The following JAM3 variants were observed in gnomAD, a reference collection of about 807,000 sequenced individuals.
JAM3 encodes the protein junctional adhesion molecule 3.
JAM3 carries 31 observed loss-of-function variants against 39.4 expected under a neutral mutation model. The ratio of observed to expected loss-of-function variants is 0.79; its 90% CI spans 0.59 to 1.06. The LOEUF is 1.06. Ranked by LOEUF, JAM3 falls within the 50% of genes least tolerant of loss-of-function variation. JAM3 has a pLI of 0.00. For synonymous variants in JAM3, 182 were observed against 148.7 expected, an observed-to-expected ratio of 1.22 and a Z score of -1.63; for missense variants, 455 against 391.4, an observed-to-expected ratio of 1.16 and a Z score of -1.37.
chr11:134,122,530 G>GT (rs1942555347), intron 1 of JAM3, among the ~76,000 whole-genome samples: 1 of 152,166 alleles, frequency 6.6e-6, no homozygotes, highest in African/African-American at 2.4e-5. Context: ...CAGCAACACA[G>GT]TCCCTGCGCT....
intron 1 of JAM3, among the ~76,000 whole-genome samples, chr11:134,101,705 T>C (rs1354184933): frequency 6.6e-6 from 1 of 152,176 alleles, no homozygotes; most frequent in Non-Finnish European, 1.5e-5. Flanking sequence ...ATCATATTTC[T>C]CCCCTTATTT....
intron 1 of JAM3, among the ~76,000 whole-genome samples, chr11:134,095,627 C>CAA (rs57776262): frequency 1.5e-5 from 2 of 137,290 alleles, no homozygotes; most frequent in Non-Finnish European, 3.2e-5. Context: ...GAGACTCTGT[C>CAA]AAAAAAAAAA....
In JAM3 at chr11:134,141,987, G is replaced by T. The variant is rs534871454; in HGVS notation, c.256+1217G>T. ...GCCTGAGTCTCCTCAAAAGAGTTTT[G>T]CTTCCCACTCACGTGAAGTCCCTCC... On this transcript the variant is annotated intron_variant, in intron 3 of 8. Coordinates refer to ENST00000299106, the MANE Select transcript of JAM3 (RefSeq NM_032801.5). Among the ~76,000 whole-genome samples, 3 of 152,104 alleles carry T rather than the reference G, an allele frequency of 2.0e-5. No individual in the cohort carries two copies. In the South Asian group the frequency reaches 6.3e-4, roughly 32 times the overall value.
chr11:134,084,493 A>T (rs752298514), intron 1 of JAM3, among the ~76,000 whole-genome samples: 2 of 152,168 alleles, frequency 1.3e-5, no homozygotes, highest in African/African-American at 4.8e-5. Flanking sequence ...AAATAACACA[A>T]ATTAAAATTA....
At chr11:134,110,572 T>C (rs1272906785) in intron 1 of JAM3, among the ~76,000 whole-genome samples, 2 of 152,200 alleles carry the variant, frequency 1.3e-5, no homozygotes, top group Non-Finnish European at 2.9e-5. Context: ...ATTCCATTTA[T>C]TTAAAATTCT....
chr11:134,081,033 C>T lies in JAM3; in HGVS notation c.76+11874C>T, dbSNP rs558741003. ...CTAAGAGTCTGGTGGCATTTTGCCCCTGCCCTAGAGATTTGTGCAACTTTG... is the reference window on the plus strand; with the variant it reads ...CTAAGAGTCTGGTGGCATTTTGCCCTTGCCCTAGAGATTTGTGCAACTTTG... On this transcript the variant is annotated intron_variant, in intron 1 of 8. Coordinates refer to ENST00000299106, the MANE Select transcript of JAM3 (RefSeq NM_032801.5). Among the ~76,000 whole-genome samples the T allele has an allele frequency of 5.3e-5, 8 of 152,322 alleles. 1 individual carries two copies. The South Asian group carries it at 1.7e-3, about 32-fold the overall frequency.
chr11:134,125,637 T>C (rs1416650355), intron 1 of JAM3, among the ~76,000 whole-genome samples: 3 of 152,164 alleles, frequency 2.0e-5, no homozygotes, highest in African/African-American at 7.2e-5. Context: ...TTTCCATCGA[T>C]GGATGCTGGG....
chr11:134,091,262 G>T (rs1381877330), intron 1 of JAM3, among the ~76,000 whole-genome samples: 3 of 152,108 alleles, frequency 2.0e-5, no homozygotes, highest in African/African-American at 7.2e-5. Flanking sequence ...TTGGGAGGCC[G>T]AGGTGGGTGG....
chr11:134,113,969 C>T (rs1403447938), intron 1 of JAM3, among the ~76,000 whole-genome samples: 1 of 152,142 alleles, frequency 6.6e-6, no homozygotes, highest in South Asian at 2.1e-4. Context: ...CTTCATGTGT[C>T]TTTTGGCTGC....
Position 134,139,936 on chromosome 11 carries a change from C to CCATTATCCTAGGCATTTCGT in JAM3, c.142+20_142+21insCATTATCCTAGGCATTTCGT. ...TTGAAAGTAAGTACAAACGAAATGC[C>CCATTATCCTAGGCATTTCGT]TAGGATAATGGGCACCATCTACTGG... On this transcript the variant is annotated intron_variant, in intron 2 of 8. Transcript: ENST00000299106. The CCATTATCCTAGGCATTTCGT allele has an allele frequency of 6.3e-7, 1 of 1,584,720 alleles. No individual in the cohort carries two copies. The highest frequency in any genetic ancestry group is 8.7e-7 in the Non-Finnish European group (1 of 1,153,392).
At position 134,084,562 on chromosome 11, in the gene JAM3, AAGCTCT is replaced by A. The variant is rs149442537; in HGVS notation, c.76+15404_76+15409del. On this transcript the variant is annotated intron_variant, in intron 1 of 8. Transcript: ENST00000299106. ...TTAGCAGAGTACCTGTCATAGTAGT[AAGCTCT>A]CAGTGTTAGGTTTTGTTTTTCATCA... Among the ~76,000 whole-genome samples the A allele has an allele frequency of 8.8e-3, 1,339 of 152,328 alleles. 20 individuals are homozygous for A. The highest frequency in any genetic ancestry group is 0.03 in the African/African-American group (1,241 of 41,582).
rs1303582618 is a variant in JAM3 at position 134,118,922 on chromosome 11, A to T, written c.77-20929A>T. Reference sequence around the variant, plus strand: ...TAAGGTGGCTGCTAGGTGGAGTTTTACTCTGGTGTTATCTGACTGGATTAA... The same window carrying T: ...TAAGGTGGCTGCTAGGTGGAGTTTTTCTCTGGTGTTATCTGACTGGATTAA... On this transcript the variant is annotated intron_variant, in intron 1 of 8. Coordinates refer to ENST00000299106, the MANE Select transcript of JAM3 (RefSeq NM_032801.5). Among the ~76,000 whole-genome samples, 6 of 148,554 alleles carry T rather than the reference A, an allele frequency of 4.0e-5. No individual in the cohort carries two copies. The East Asian group carries it at 9.9e-4, about 25-fold the overall frequency.
At chr11:134,148,310 G>A (rs998491303) in intron 6 of JAM3, 19 of 571,994 alleles carry the variant, frequency 3.3e-5, no homozygotes, top group Non-Finnish European at 4.7e-5. Flanking sequence ...TTTTCAGTGC[G>A]ACTGCATTTC....
intron 1 of JAM3, among the ~76,000 whole-genome samples, chr11:134,129,120 TTC>T (rs1294761174): frequency 2.3e-5 from 3 of 132,406 alleles, no homozygotes; most frequent in African/African-American, 3.2e-5. Flanking sequence ...TCTCTTCAAG[TTC>T]TTTTTTTTTT....
intron 1 of JAM3, among the ~76,000 whole-genome samples, chr11:134,072,026 A>G (rs1027612325): frequency 8.5e-5 from 13 of 152,262 alleles, no homozygotes; most frequent in African/African-American, 2.9e-4. Flanking sequence ...CACAACCCCT[A>G]AGCTCCATGG....
chr11:134,085,097 C>T (rs768761661), intron 1 of JAM3, among the ~76,000 whole-genome samples: 7 of 152,204 alleles, frequency 4.6e-5, no homozygotes, highest in Middle Eastern at 3.4e-3. Flanking sequence ...TAGGGCCTAC[C>T]GTGAATGCTA....
intron 1 of JAM3, among the ~76,000 whole-genome samples, chr11:134,137,393 C>T (rs1356922372): frequency 6.6e-6 from 1 of 152,186 alleles, no homozygotes; most frequent in East Asian, 1.9e-4. Flanking sequence ...TTATAATGTA[C>T]TTCTATTTCT....
intron 1 of JAM3, among the ~76,000 whole-genome samples, chr11:134,128,020 T>G (rs1365394095): frequency 1.3e-5 from 2 of 152,198 alleles, no homozygotes; most frequent in South Asian, 2.1e-4. Flanking sequence ...AAACAGTGGT[T>G]TTTTTGTTTA....
At chr11:134,119,778 C>G (rs992198348) in intron 1 of JAM3, among the ~76,000 whole-genome samples, 1 of 152,188 alleles carries the variant, frequency 6.6e-6, no homozygotes, top group Non-Finnish European at 1.5e-5. Context: ...CTTAAAAACC[C>G]TCCAAGTTGA....
Sources: allele counts gnomAD v4.1 joint callset (sites outside exome capture counted in the v4.1 genomes callset), GRCh38; gene constraint gnomAD v4.1.1; transcripts MANE v1.5; gene names NCBI Gene and HGNC (gene_info 2026-07-23, HGNC 2026-07-21).